C8orf34: variants seen among roughly 807,000 people sequenced by gnomAD.
C8orf34 encodes chromosome 8 open reading frame 34.
A neutral mutation model predicts 68.3 loss-of-function variants in C8orf34; 65 were observed. That is an observed-to-expected ratio of 0.95 (90% CI 0.78 to 1.17). C8orf34 has a LOEUF of 1.17. Ranked by LOEUF, C8orf34 falls within the 50% of genes most tolerant of loss-of-function variation. C8orf34 has a pLI of 0.00. For missense variants in C8orf34, 664 were observed against 655.4 expected, an observed-to-expected ratio of 1.01 and a Z score of -0.14; for synonymous variants, 244 against 241.2, an observed-to-expected ratio of 1.01 and a Z score of -0.11.
intron 7 of C8orf34, 168 bp downstream of exon 7, chr8:68,533,317 T>C: frequency 3.6e-6 from 5 of 1,375,290 alleles, no homozygotes; most frequent in Non-Finnish European, 4.7e-6. Flanking sequence ...ATGTAAGAAC[T>C]AAATTGAAAT....
chr8:68,401,488 T>G (rs921387839), intron 1 of C8orf34, among the ~76,000 whole-genome samples: 11 of 152,122 alleles, frequency 7.2e-5, no homozygotes, highest in African/African-American at 1.9e-4. Flanking sequence ...CTTTTCCCTA[T>G]TCACTATAAT....
At chr8:68,368,207 A>G (rs928925888) in intron 1 of C8orf34, among the ~76,000 whole-genome samples, 3 of 152,268 alleles carry the variant, frequency 2.0e-5, no homozygotes, top group African/African-American at 4.8e-5. Flanking sequence ...ATGATGCAGG[A>G]AAGTTTTTCA....
intron 10 of C8orf34, among the ~76,000 whole-genome samples, chr8:68,724,754 A>G (rs1402643149): frequency 6.6e-6 from 1 of 152,220 alleles, no homozygotes; most frequent in Non-Finnish European, 1.5e-5. Flanking sequence ...ATAGGCAGGT[A>G]TTGATTATGA....
chr8:68,401,184 A>G (rs1808938778), intron 1 of C8orf34, among the ~76,000 whole-genome samples: 1 of 146,906 alleles, frequency 6.8e-6, no homozygotes, highest in Non-Finnish European at 1.5e-5. Flanking sequence ...CTGAATTATT[A>G]CTGATGTATA....
In C8orf34 at chr8:68,717,785, G is replaced by A. The variant is rs938603925; in HGVS notation, c.1328-3576G>A. On this transcript the variant is annotated intron_variant, in intron 9 of 13. Transcript: ENST00000518698. The stretch of plus-strand genomic sequence containing the variant: ...AATAAATATTAAAAAAACTGCTAAG[G>A]GAACATAAACCAATGTTAATGTAGC... Among the ~76,000 whole-genome samples the A allele has an allele frequency of 2.6e-5, 4 of 151,658 alleles. No homozygotes were observed. The South Asian group carries it at 8.4e-4, about 32-fold the overall frequency.
intron 6 of C8orf34, among the ~76,000 whole-genome samples, chr8:68,522,853 G>A (rs941081296): frequency 2.6e-5 from 4 of 152,106 alleles, no homozygotes; most frequent in Non-Finnish European, 4.4e-5. Flanking sequence ...CCAGCTGCCC[G>A]TCACAGAAGA....
intron 8 of C8orf34, among the ~76,000 whole-genome samples, chr8:68,660,775 G>T (rs954802264): frequency 9.2e-5 from 14 of 152,250 alleles, no homozygotes; most frequent in African/African-American, 3.4e-4. Flanking sequence ...GAGAGAAAAG[G>T]GAGTCCTATG....
At chr8:68,518,394 T>C (rs1455723052) in intron 5 of C8orf34, among the ~76,000 whole-genome samples, 1 of 152,174 alleles carries the variant, frequency 6.6e-6, no homozygotes, top group East Asian at 1.9e-4. Context: ...TTTGTATCTC[T>C]TCCCTCAAAA....
intron 9 of C8orf34, among the ~76,000 whole-genome samples, chr8:68,709,636 G>T (rs1821275006): frequency 6.6e-6 from 1 of 151,954 alleles, no homozygotes. Context: ...CCCTAATACT[G>T]CCTGGTCTAT....
chr8:68,423,686 C>T (rs1366931116), intron 1 of C8orf34, among the ~76,000 whole-genome samples: 4 of 152,026 alleles, frequency 2.6e-5, no homozygotes, highest in Admixed American at 1.3e-4. Context: ...CCCACTATCT[C>T]GGTATGAATT....
chr8:68,631,087 A>G (rs1195132618), intron 7 of C8orf34, among the ~76,000 whole-genome samples: 3 of 151,714 alleles, frequency 2.0e-5, no homozygotes, highest in Non-Finnish European at 1.5e-5. Context: ...CAACATAGGG[A>G]AACCCCATCT....
intron 8 of C8orf34, among the ~76,000 whole-genome samples, chr8:68,664,068 G>T (rs1221342639): frequency 6.6e-6 from 1 of 152,118 alleles, no homozygotes; most frequent in Non-Finnish European, 1.5e-5. Context: ...AAGAGGAGTG[G>T]GGTTGAGGTC....
At position 68,764,389 on chromosome 8, in the gene C8orf34, A is replaced by G. The variant is rs577493452; in HGVS notation, c.1405-12010A>G. On this transcript the variant is annotated intron_variant, in intron 10 of 13. Coordinates refer to ENST00000518698, the MANE Select transcript of C8orf34 (RefSeq NM_052958.4). ...ACCTCTTGGCCCAGGCCTTGCAAAT[A>G]TTAAGGTTGGGTCTGTGGAGTCAAC... is the stretch of plus-strand genomic sequence containing the variant. Among the ~76,000 whole-genome samples the G allele has an allele frequency of 1.1e-4, 17 of 152,332 alleles. No individual in the cohort carries two copies. The South Asian group carries it at 3.1e-3, about 28-fold the overall frequency.
chr8:68,472,806 C>T (rs959555348), intron 4 of C8orf34, among the ~76,000 whole-genome samples: 10 of 152,046 alleles, frequency 6.6e-5, no homozygotes, highest in East Asian at 1.9e-4. Context: ...AAAAAATTTT[C>T]GAGATATTTT....
chr8:68,374,887 A>G (rs1251502592), intron 1 of C8orf34, among the ~76,000 whole-genome samples: 1 of 152,194 alleles, frequency 6.6e-6, no homozygotes, highest in Non-Finnish European at 1.5e-5. Context: ...TTACTCAATG[A>G]TAAAGTAAGG....
intron 7 of C8orf34, among the ~76,000 whole-genome samples, chr8:68,607,094 C>T (rs963974161): frequency 4.6e-5 from 7 of 152,082 alleles, no homozygotes; most frequent in Non-Finnish European, 7.4e-5. Flanking sequence ...CAGAGTCTAT[C>T]GCCAACAGCT....
intron 1 of C8orf34, among the ~76,000 whole-genome samples, chr8:68,396,700 A>C (rs1808722484): frequency 1.4e-5 from 2 of 139,650 alleles, no homozygotes; most frequent in East Asian, 2.1e-4. Flanking sequence ...AGTTCCTGCA[A>C]AAGCTGCTTG....
At chr8:68,613,044 C>A (rs1818069588) in intron 7 of C8orf34, among the ~76,000 whole-genome samples, 1 of 152,028 alleles carries the variant, frequency 6.6e-6, no homozygotes, top group Non-Finnish European at 1.5e-5. Context: ...TTGCAGTATA[C>A]AAAGTATGGC....
intron 5 of C8orf34, among the ~76,000 whole-genome samples, chr8:68,490,290 C>T (rs551544251): frequency 3.5e-4 from 53 of 152,174 alleles, no homozygotes; most frequent in Non-Finnish European, 6.6e-4. Flanking sequence ...AGCTCGTATG[C>T]GGTTGTTACT....
Sources: gnomAD v4.1 joint callset for allele counts (sites outside exome capture counted in the v4.1 genomes callset) on GRCh38, gnomAD v4.1.1 for gene constraint, MANE v1.5 for transcripts, NCBI Gene and HGNC (gene_info 2026-07-23, HGNC 2026-07-21) for gene names.